TMEM268: variants seen among roughly 807,000 people sequenced by gnomAD.
TMEM268 encodes the protein transmembrane protein C9orf91.
TMEM268 carries 24 observed loss-of-function variants against 39.1 expected under a neutral mutation model. That is an observed-to-expected ratio of 0.61 (90% CI 0.44 to 0.86). The LOEUF (loss-of-function observed/expected upper bound fraction) is 0.86, where lower values mean the gene tolerates loss of function less well. Among genes scored for constraint, TMEM268 ranks in the 40% least tolerant of loss-of-function variants. The pLI, the probability that TMEM268 is intolerant of heterozygous loss-of-function variation, is 0.00. For synonymous variants in TMEM268, 176 were observed against 173.5 expected (o/e 1.01, Z -0.12); for missense variants, 409 against 428.6 (o/e 0.95, Z 0.40).
At chr9:114,630,696 A>G (rs1846357605) in intron 5 of TMEM268, among the ~76,000 whole-genome samples, 2 of 152,230 alleles carry the variant, frequency 1.3e-5, no homozygotes, top group African/African-American at 4.8e-5. Flanking sequence ...AAGTGTTTAT[A>G]ATAGTACCTG....
At chr9:114,635,686 A>T (rs1034733195) in intron 6 of TMEM268, among the ~76,000 whole-genome samples, 7 of 152,238 alleles carry the variant, frequency 4.6e-5, no homozygotes, top group African/African-American at 1.7e-4. Flanking sequence ...CTCAAAAAAA[A>T]AAGAATGGAC....
At chr9:114,627,452 A>G (rs1161917777) in intron 4 of TMEM268, among the ~76,000 whole-genome samples, 1 of 152,214 alleles carries the variant, frequency 6.6e-6, no homozygotes, top group Non-Finnish European at 1.5e-5. Context: ...TCATATTGAT[A>G]CATATAAACA....
intron 4 of TMEM268, among the ~76,000 whole-genome samples, chr9:114,627,555 G>T (rs1401215280): frequency 6.6e-6 from 1 of 152,132 alleles, no homozygotes; most frequent in African/African-American, 2.4e-5. Context: ...CTGCTGTTTT[G>T]TATGTATAAA....
Position 114,643,344 on chromosome 9 carries a change from A to G in TMEM268, c.*31A>G, listed in dbSNP as rs1213486823. The G allele has an allele frequency of 1.2e-6, 2 of 1,605,816 alleles. No individual in the cohort carries two copies. The highest frequency in any genetic ancestry group is 1.7e-6 in the Non-Finnish European group (2 of 1,173,032). On this transcript the variant is annotated 3_prime_UTR_variant, in exon 9 of 9. Coordinates refer to ENST00000288502, the MANE Select transcript of TMEM268 (RefSeq NM_153045.4). ...GGATGAAGGTACTCATCTTCCTTCAAGACTGAGCAGTCAGGAAGGCTTCAG... is the reference window on the plus strand; with the variant it reads ...GGATGAAGGTACTCATCTTCCTTCAGGACTGAGCAGTCAGGAAGGCTTCAG...
chr9:114,625,749 G>A (rs1051951293), intron 3 of TMEM268, among the ~76,000 whole-genome samples: 4 of 149,878 alleles, frequency 2.7e-5, no homozygotes, highest in Non-Finnish European at 4.4e-5. Flanking sequence ...GGCAGATTGG[G>A]TTTTCTTATG....
intron 6 of TMEM268, among the ~76,000 whole-genome samples, chr9:114,636,566 T>C (rs1846647416): frequency 6.6e-6 from 1 of 152,034 alleles, no homozygotes; most frequent in Non-Finnish European, 1.5e-5. Flanking sequence ...AGTGGTGTGA[T>C]CTTGGCTTAC....
At chr9:114,628,520 A>G (rs1372635501) in intron 5 of TMEM268, among the ~76,000 whole-genome samples, 1 of 152,052 alleles carries the variant, frequency 6.6e-6, no homozygotes. Flanking sequence ...TCCTGACAGT[A>G]CTTTAGTTAA....
intron 5 of TMEM268, among the ~76,000 whole-genome samples, chr9:114,628,678 A>C (rs1196687927): frequency 1.3e-5 from 2 of 152,152 alleles, no homozygotes; most frequent in African/African-American, 4.8e-5. Flanking sequence ...TGTGACGGGC[A>C]GATGCCGACC....
chr9:114,617,730 C>G (rs1213632254), intron 2 of TMEM268, among the ~76,000 whole-genome samples: 1 of 152,142 alleles, frequency 6.6e-6, no homozygotes, highest in South Asian at 2.1e-4. Context: ...ACCGCTACAT[C>G]CTGCTAATTA....
At chr9:114,609,945 A>G (rs1312799530), upstream of TMEM268, among the ~76,000 whole-genome samples, 1 of 152,222 alleles carries the variant, frequency 6.6e-6, no homozygotes, top group Non-Finnish European at 1.5e-5. Context: ...CCTGTCAGCA[A>G]GGCTGGAAAT....
In TMEM268 at chr9:114,613,730, C is replaced by T. The variant is rs527862601; in HGVS notation, c.-79+2166C>T. Among the ~76,000 whole-genome samples, 370 of 152,238 alleles carry T rather than the reference C, an allele frequency of 2.4e-3. 2 individuals carry two copies. Among genetic ancestry groups the T allele is most frequent in the African/African-American group, 8.5e-3 (354 of 41,532 alleles). On this transcript the variant is annotated intron_variant, in intron 1 of 8. Coordinates refer to ENST00000288502, the MANE Select transcript of TMEM268 (RefSeq NM_153045.4). ...TGATCTTGCCTGGGAAATGCAGTCT[C>T]CCTTGACTCACTCTTTTTTGTTTTG...
At chr9:114,631,560 G>A (rs1846399850) in intron 5 of TMEM268, among the ~76,000 whole-genome samples, 1 of 152,062 alleles carries the variant, frequency 6.6e-6, no homozygotes, top group Non-Finnish European at 1.5e-5. Flanking sequence ...TCTCCATTTG[G>A]GGGTAAGGAG....
At chr9:114,610,042 A>T (rs1487490491), upstream of TMEM268, among the ~76,000 whole-genome samples, 4 of 145,816 alleles carry the variant, frequency 2.7e-5, no homozygotes, top group Non-Finnish European at 3.0e-5. Flanking sequence ...GGTTTTTGCA[A>T]TTTTTTTTTT....
At chr9:114,640,060 A>G (rs1285086671) in intron 8 of TMEM268, among the ~76,000 whole-genome samples, 1 of 151,504 alleles carries the variant, frequency 6.6e-6, no homozygotes, top group East Asian at 2.0e-4. Flanking sequence ...AAATATTAAA[A>G]AAAAAAAAGA....
In TMEM268 at chr9:114,627,036, C is replaced by G. The variant is rs376099024; in HGVS notation, c.324+30C>G. ...GGGGGAGGTGGCCCGCACACTGACCCTGCCCTGACAGCTTATGGCACCACC... is the reference window on the plus strand; with the variant it reads ...GGGGGAGGTGGCCCGCACACTGACCGTGCCCTGACAGCTTATGGCACCACC... On this transcript the variant is annotated intron_variant, in intron 4 of 8. Transcript: ENST00000288502. The G allele has an allele frequency of 3.4e-6, 5 of 1,473,750 alleles. No homozygotes were observed. In the African/African-American group the frequency reaches 6.9e-5, roughly 20 times the overall value. 91.3% of individuals were successfully genotyped at this position (1,473,750 alleles called of 1,614,324 possible).
At chr9:114,607,788 C>T (rs955738235), upstream of TMEM268, among the ~76,000 whole-genome samples, 4 of 152,066 alleles carry the variant, frequency 2.6e-5, no homozygotes, top group African/African-American at 7.2e-5. Flanking sequence ...AGCTGAAACC[C>T]GAGAATGAGT....
intron 2 of TMEM268, 124 bp from the exon 3 acceptor site, chr9:114,624,226 G>C: frequency 6.8e-7 from 1 of 1,471,370 alleles, no homozygotes; most frequent in South Asian, 1.4e-5. Flanking sequence ...GATGGCCACC[G>C]TGTCCCTCCT....
chr9:114,610,663 T>C (rs1229916347), upstream of TMEM268, among the ~76,000 whole-genome samples: 1 of 152,156 alleles, frequency 6.6e-6, no homozygotes, highest in Non-Finnish European at 1.5e-5. Flanking sequence ...GCGATGGGAG[T>C]GAGCCCTTGT....
At chr9:114,627,289 T>C (rs966818533) in intron 4 of TMEM268, among the ~76,000 whole-genome samples, 2 of 152,232 alleles carry the variant, frequency 1.3e-5, no homozygotes, top group African/African-American at 4.8e-5. Context: ...CTGGGCTCAA[T>C]ATCTGGCCTT....
Sources: gnomAD v4.1 joint callset for allele counts (sites outside exome capture counted in the v4.1 genomes callset) on GRCh38, gnomAD v4.1.1 for gene constraint, MANE v1.5 for transcripts, NCBI Gene and HGNC (gene_info 2026-07-23, HGNC 2026-07-21) for gene names.